The following GRM5 variants were observed in gnomAD, a reference collection of about 807,000 sequenced individuals.
GRM5 encodes the protein metabotropic glutamate receptor 5.
A neutral mutation model predicts 83.1 loss-of-function variants in GRM5; 19 were observed. The ratio of observed to expected loss-of-function variants is 0.23; its 90% CI spans 0.16 to 0.34. The LOEUF (loss-of-function observed/expected upper bound fraction) is 0.34, where lower values mean the gene tolerates loss of function less well. GRM5 is among the 10% of genes least tolerant of loss of function. GRM5 has a pLI of 1.00. For synonymous variants in GRM5, 675 were observed against 633.6 expected, an observed-to-expected ratio of 1.07 and a Z score of -0.98; for missense variants, 1,160 against 1,588.3, an observed-to-expected ratio of 0.73 and a Z score of 4.58.
chr11:88,781,804 A>G (rs564736672), intron 3 of GRM5, among the ~76,000 whole-genome samples: 1 of 152,260 alleles, frequency 6.6e-6, no homozygotes, highest in African/African-American at 2.4e-5. Flanking sequence ...GCTAAATGAC[A>G]CCTGTTGAAA....
chr11:89,036,744 CTACT>C (rs200606727), intron 2 of GRM5, among the ~76,000 whole-genome samples: 3,507 of 149,502 alleles, frequency 0.023, 65 homozygotes, highest in Admixed American at 0.046. Flanking sequence ...GTTCATCCTA[CTACT>C]TAAATGAGAA....
chr11:88,995,609 T>C (rs1211465110), intron 2 of GRM5, among the ~76,000 whole-genome samples: 2 of 150,150 alleles, frequency 1.3e-5, no homozygotes, highest in African/African-American at 2.5e-5. Flanking sequence ...TGAAGTGGTG[T>C]GCACCAATGT....
At chr11:88,549,476 A>G (rs2135144503) in intron 8 of GRM5, among the ~76,000 whole-genome samples, 1 of 151,882 alleles carries the variant, frequency 6.6e-6, no homozygotes, top group East Asian at 1.9e-4. Flanking sequence ...AAACGAAACA[A>G]ACCAAACCCC....
intron 2 of GRM5, among the ~76,000 whole-genome samples, chr11:88,893,187 A>G (rs1945177435): frequency 1.3e-5 from 2 of 151,932 alleles, no homozygotes; most frequent in African/African-American, 4.8e-5. Context: ...AAGTTTTACT[A>G]TCACTGAATC....
chr11:88,748,768 C>T (rs1346156169), intron 3 of GRM5, among the ~76,000 whole-genome samples: 1 of 152,140 alleles, frequency 6.6e-6, no homozygotes, highest in East Asian at 1.9e-4. Context: ...ATTTCACAGC[C>T]TTCACTGGTG....
chr11:88,845,321 C>CCTTTTT (rs3031470), intron 3 of GRM5, among the ~76,000 whole-genome samples: 2 of 142,408 alleles, frequency 1.4e-5, no homozygotes, highest in Non-Finnish European at 1.5e-5. Flanking sequence ...TGATCACTTG[C>CCTTTTT]TTTTTTTTTT....
At chr11:88,834,293 A>T (rs1190152065) in intron 3 of GRM5, among the ~76,000 whole-genome samples, 1 of 150,800 alleles carries the variant, frequency 6.6e-6, no homozygotes, top group Admixed American at 6.6e-5. Flanking sequence ...TTTTGTAAAA[A>T]AATTGCCAAA....
chr11:88,540,305 T>A (rs928144521), intron 8 of GRM5, among the ~76,000 whole-genome samples: 1 of 152,180 alleles, frequency 6.6e-6, no homozygotes, highest in Non-Finnish European at 1.5e-5. Context: ...TCCTTTGTCT[T>A]TGGACAACTT....
chr11:88,578,580 G>T (rs930337840), intron 7 of GRM5, among the ~76,000 whole-genome samples: 1 of 152,106 alleles, frequency 6.6e-6, no homozygotes, highest in Non-Finnish European at 1.5e-5. Context: ...TTCTTTTCAG[G>T]GACCTGTTTT....
chr11:88,863,763 A>C (rs1455638237), intron 2 of GRM5, among the ~76,000 whole-genome samples: 1 of 152,084 alleles, frequency 6.6e-6, no homozygotes, highest in Admixed American at 6.6e-5. Flanking sequence ...AATTTTTAAT[A>C]ATGGCTGTGT....
intron 2 of GRM5, among the ~76,000 whole-genome samples, chr11:88,959,118 C>T (rs1378516622): frequency 6.6e-6 from 1 of 151,822 alleles, no homozygotes; most frequent in Admixed American, 6.6e-5. Context: ...TTTGACCTCA[C>T]AGGACCTGTG....
At chr11:88,804,204 A>G (rs1943456379) in intron 3 of GRM5, among the ~76,000 whole-genome samples, 1 of 150,004 alleles carries the variant, frequency 6.7e-6, no homozygotes, top group South Asian at 2.1e-4. Context: ...CCAAAGGACT[A>G]TAAATCATGC....
intron 2 of GRM5, among the ~76,000 whole-genome samples, chr11:88,979,429 A>G (rs1450650618): frequency 6.6e-6 from 1 of 152,240 alleles, no homozygotes; most frequent in Non-Finnish European, 1.5e-5. Flanking sequence ...ATATCAAGTG[A>G]CAAATGTTCT....
At chr11:88,552,622 G>A (rs745562476) in intron 8 of GRM5, among the ~76,000 whole-genome samples, 7 of 152,268 alleles carry the variant, frequency 4.6e-5, no homozygotes, top group Non-Finnish European at 8.8e-5. Flanking sequence ...TACTGGCCAG[G>A]AAAGGGACCT....
chr11:88,654,919 A>C (rs947348756), intron 3 of GRM5, among the ~76,000 whole-genome samples: 2 of 152,064 alleles, frequency 1.3e-5, no homozygotes, highest in Non-Finnish European at 2.9e-5. Context: ...ACTTTGATAT[A>C]AATATTGATA....
In GRM5 at chr11:88,604,886, T is replaced by C; in HGVS notation, c.1226A>G (p.Tyr409Cys). The C allele has an allele frequency of 1.9e-6, 3 of 1,612,378 alleles. No individual in the cohort carries two copies. The highest frequency in any genetic ancestry group is 1.3e-5 in the African/African-American group (1 of 74,994). Residue 409 changes from tyrosine to cysteine, a missense_variant, in exon 5 of 10, where the codon TAT (tyrosine) becomes TGT (cysteine). Coordinates refer to ENST00000305447, the MANE Select transcript of GRM5 (RefSeq NM_001143831.3). Reference sequence around the variant, plus strand: ...GGACATCTGCATGTTGTGGAGCCCATAGGCCATCGAATAGATGGCGTTGAT... The same window carrying C: ...GGACATCTGCATGTTGTGGAGCCCACAGGCCATCGAATAGATGGCGTTGAT... ...FVINAIYSMA[Y>C]GLHNMQMSLC...
chr11:88,797,324 T>C (rs1243085318), intron 3 of GRM5, among the ~76,000 whole-genome samples: 1 of 152,072 alleles, frequency 6.6e-6, no homozygotes, highest in African/African-American at 2.4e-5. Flanking sequence ...TAATTTTTAG[T>C]AGAGACGGAG....
At chr11:88,673,940 T>G (rs1940257234) in intron 3 of GRM5, among the ~76,000 whole-genome samples, 1 of 151,282 alleles carries the variant, frequency 6.6e-6, no homozygotes, top group Non-Finnish European at 1.5e-5. Flanking sequence ...CAAGCATTTC[T>G]GTTGTAGGTT....
intron 2 of GRM5, among the ~76,000 whole-genome samples, chr11:89,036,771 G>A (rs545178661): frequency 3.2e-4 from 49 of 151,410 alleles, no homozygotes; most frequent in Middle Eastern, 3.4e-3. Context: ...ATTTCAAAGC[G>A]TCAAAAAACA....
Sources: gnomAD v4.1 joint callset for allele counts (sites outside exome capture counted in the v4.1 genomes callset) on GRCh38, gnomAD v4.1.1 for gene constraint, MANE v1.5 for transcripts, NCBI Gene and HGNC (gene_info 2026-07-23, HGNC 2026-07-21) for gene names.